The following SULT1A1 variants were observed in gnomAD, a reference collection of about 807,000 sequenced individuals.
SULT1A1 encodes the protein sulfotransferase family 1A member 1.
SULT1A1 carries 35 observed loss-of-function variants against 36.8 expected under a neutral mutation model. The observed-to-expected ratio is 0.95, with a 90% CI of 0.73 to 1.26. The LOEUF (loss-of-function observed/expected upper bound fraction) is 1.26. Ranked by LOEUF, SULT1A1 falls within the 50% of genes most tolerant of loss-of-function variation. The probability of loss-of-function intolerance (pLI) is 0.00; values close to 1 mark genes in which losing one functional copy is unlikely to be tolerated. For missense variants in SULT1A1, 309 were observed against 383.0 expected, an observed-to-expected ratio of 0.81 and a Z score of 1.61; for synonymous variants, 119 against 146.0, an observed-to-expected ratio of 0.82 and a Z score of 1.33.
chr16:28,621,263 C>T (rs1437924707), intron 1 of SULT1A1, among the ~76,000 whole-genome samples: 1 of 151,808 alleles, frequency 6.6e-6, no homozygotes, highest in East Asian at 1.9e-4. Flanking sequence ...GGGCAGATTA[C>T]TTGAGTTCAG....
At chr16:28,618,274 C>T (rs1195262442) in intron 2 of SULT1A1, among the ~76,000 whole-genome samples, 1 of 150,844 alleles carries the variant, frequency 6.6e-6, no homozygotes. Context: ...CTGAGCTCTA[C>T]CGATCCTCTT....
At chr16:28,608,664 G>A (rs764907393) in intron 2 of SULT1A1, 44 bp downstream of exon 2, 2 of 1,611,412 alleles carry the variant, frequency 1.2e-6, no homozygotes, top group East Asian at 2.2e-5. Context: ...TGGCCAAGGT[G>A]GGGACTGCCA....
intron 2 of SULT1A1, among the ~76,000 whole-genome samples, chr16:28,618,918 G>A (rs2047598566): frequency 6.6e-6 from 1 of 152,170 alleles, no homozygotes; most frequent in Non-Finnish European, 1.5e-5. Flanking sequence ...CCCTTTGGCT[G>A]CAAAATTTAC....
At chr16:28,607,424 C>T (rs1044440914) in intron 4 of SULT1A1, 12 of 261,044 alleles carry the variant, frequency 4.6e-5, no homozygotes, top group Middle Eastern at 6.3e-4. Context: ...AAGAGTCTTA[C>T]GTTCTTGGTC....
At chr16:28,617,730 C>CG (rs2047573579) in intron 2 of SULT1A1, among the ~76,000 whole-genome samples, 1 of 151,892 alleles carries the variant, frequency 6.6e-6, no homozygotes, top group Admixed American at 6.6e-5. Flanking sequence ...TTAGTAGTGA[C>CG]GGGGTTTCAC....
chr16:28,610,270 T>TTTG, upstream of SULT1A1: 19 of 982,316 alleles, frequency 1.9e-5, no homozygotes, highest in South Asian at 3.1e-4. Context: ...TTCTGTTTTT[T>TTTG]TTTTTTTTTT....
rs750555116 is a variant in SULT1A1, at chr16:28,606,746, C to T, written c.594+15G>A. The T allele has an allele frequency of 4.7e-5, 75 of 1,611,430 alleles. No homozygotes were observed. The highest frequency in any genetic ancestry group is 2.2e-4 in the South Asian group (20 of 90,944). On this transcript the variant is annotated intron_variant, in intron 6 of 7. Coordinates refer to ENST00000314752, the MANE Select transcript of SULT1A1 (RefSeq NM_001055.4). ...CCAGGAGTCACATGGAGGGAAGCAT[C>T]GCACGTGGTCTCACCTCCTTCATGT... is the stretch of plus-strand genomic sequence containing the variant.
chr16:28,616,926 T>G (rs1176354500), intron 2 of SULT1A1, among the ~76,000 whole-genome samples: 2 of 152,192 alleles, frequency 1.3e-5, no homozygotes, highest in Non-Finnish European at 2.9e-5. Context: ...CATACCGTGG[T>G]GCTTTACACA....
In SULT1A1 at chr16:28,605,728, A is replaced by C. The variant is rs1356779368; in HGVS notation, c.*93T>G. 11 of 1,577,172 alleles carry C rather than the reference A, an allele frequency of 7.0e-6. No homozygotes were observed. The highest frequency in any genetic ancestry group is 6.9e-5 in the East Asian group (3 of 43,756). ...ATTGCTGGGATTACAGACATGACCT[A>C]CCGTCCCGGGCCCTCAATTCATATT... On this transcript the variant is annotated 3_prime_UTR_variant, in exon 8 of 8. Coordinates refer to ENST00000314752, the MANE Select transcript of SULT1A1 (RefSeq NM_001055.4).
chr16:28,623,328 A>G, exon 1 of SULT1A1: 1 of 1,517,940 alleles, frequency 6.6e-7, no homozygotes, highest in Non-Finnish European at 8.8e-7. Context: ...GCGGCCCTGC[A>G]GCCGTTGCTG....
rs1298434375 is a variant in SULT1A1, at chr16:28,605,699, C to T, written c.*122G>A. On this transcript the variant is annotated 3_prime_UTR_variant, in exon 8 of 8. Coordinates refer to ENST00000314752, the MANE Select transcript of SULT1A1 (RefSeq NM_001055.4). ...TCAAATGATCCTCCCACCTCAGCCT[C>T]CAAATTGCTGGGATTACAGACATGA... 6.6e-7 allele frequency: 1 copy of T among 1,522,960 alleles called. No homozygotes were observed. Among genetic ancestry groups the T allele is most frequent in the Middle Eastern group, 2.3e-4 (1 of 4,296 alleles). 94.3% of individuals were successfully genotyped at this position (1,522,960 alleles called of 1,614,324 possible). A position where few individuals can be genotyped will look rare whatever the true frequency, so the allele number is the denominator to read the frequency against.
At chr16:28,616,119 C>T (rs1048548681) in intron 2 of SULT1A1, among the ~76,000 whole-genome samples, 7 of 152,130 alleles carry the variant, frequency 4.6e-5, no homozygotes, top group African/African-American at 1.4e-4. Context: ...ACAGAAGGCT[C>T]GCACTCCTGT....
chr16:28,616,190 T>C (rs2151716081), intron 2 of SULT1A1, among the ~76,000 whole-genome samples: 2 of 152,356 alleles, frequency 1.3e-5, no homozygotes, highest in African/African-American at 4.8e-5. Flanking sequence ...TGGTTTTTCC[T>C]AGGCTATGAT....
intron 2 of SULT1A1, among the ~76,000 whole-genome samples, chr16:28,616,866 C>T (rs1378682112): frequency 1.3e-5 from 2 of 152,134 alleles, no homozygotes; most frequent in Non-Finnish European, 2.9e-5. Context: ...CCAAGTTGCT[C>T]AACAAATACT....
chr16:28,611,417 T>G (rs1376327010), upstream of SULT1A1: 1 of 152,150 alleles, frequency 6.6e-6, no homozygotes, highest in Admixed American at 6.6e-5. Flanking sequence ...CATTGTATGA[T>G]CAGTAACATA....
upstream of SULT1A1, chr16:28,610,252 TTTTTTTTTTCTG>T: frequency 5.0e-6 from 3 of 599,012 alleles, no homozygotes; most frequent in East Asian, 1.4e-4. Flanking sequence ...TTTTTGTAGG[TTTTTTTTTTCTG>T]TTTTTTTTTT....
chr16:28,621,918 C>T (rs1192670083), intron 1 of SULT1A1, among the ~76,000 whole-genome samples: 1 of 152,192 alleles, frequency 6.6e-6, no homozygotes, highest in Admixed American at 6.5e-5. Context: ...TTACAGCCTC[C>T]TGACCTCAAC....
At chr16:28,623,066 C>G (rs1281294880) in intron 1 of SULT1A1, 13 of 1,527,552 alleles carry the variant, frequency 8.5e-6, no homozygotes, top group Non-Finnish European at 1.1e-5. Flanking sequence ...GCTTGATCCC[C>G]AAGTCCCTGC....
chr16:28,609,475 A>T, intron 1 of SULT1A1: 1 of 1,179,418 alleles, frequency 8.5e-7, no homozygotes, highest in South Asian at 1.3e-5. Flanking sequence ...ACTCAGCAAA[A>T]GCACAGGCCT....
Sources: allele counts gnomAD v4.1 joint callset (sites outside exome capture counted in the v4.1 genomes callset), GRCh38; gene constraint gnomAD v4.1.1; transcripts MANE v1.5; gene names NCBI Gene and HGNC (gene_info 2026-07-23, HGNC 2026-07-21).